Variants in TMEM163 observed in about 807,000 individuals in gnomAD.
The protein encoded by TMEM163 is transmembrane protein 163.
A neutral mutation model predicts 29.3 loss-of-function variants in TMEM163; 17 were observed. The ratio of observed to expected loss-of-function variants is 0.58; its 90% CI spans 0.40 to 0.87. The LOEUF is 0.87. Among genes scored for constraint, TMEM163 ranks in the 40% least tolerant of loss-of-function variants. TMEM163 has a pLI of 0.00. For synonymous variants in TMEM163, 157 were observed against 160.6 expected (o/e 0.98, Z 0.17); for missense variants, 303 against 381.5 (o/e 0.79, Z 1.71).
At chr2:134,631,523 GGGTATTTATCCA>G (rs1472577524) in intron 2 of TMEM163, among the ~76,000 whole-genome samples, 1 of 152,122 alleles carries the variant, frequency 6.6e-6, no homozygotes, top group Non-Finnish European at 1.5e-5. Context: ...CTACTGGAAA[GGGTATTTATCCA>G]GGCCCACTTT....
intron 2 of TMEM163, among the ~76,000 whole-genome samples, chr2:134,602,730 T>C (rs528800047): frequency 1.3e-5 from 2 of 152,260 alleles, no homozygotes; most frequent in East Asian, 1.9e-4. Flanking sequence ...TTACTGGATA[T>C]GTCTAAATCA....
chr2:134,614,813 C>T (rs957034316), intron 2 of TMEM163, among the ~76,000 whole-genome samples: 1 of 151,816 alleles, frequency 6.6e-6, no homozygotes, highest in African/African-American at 2.4e-5. Flanking sequence ...GAGATCACAC[C>T]ACTGCACTCC....
chr2:134,588,135 G>C (rs1681862211), intron 2 of TMEM163, among the ~76,000 whole-genome samples: 2 of 152,196 alleles, frequency 1.3e-5, no homozygotes, highest in Non-Finnish European at 2.9e-5. Flanking sequence ...ACGTGAATGT[G>C]GGAACTATTG....
chr2:134,487,634 A>G (rs1396692143), intron 5 of TMEM163, among the ~76,000 whole-genome samples: 1 of 152,234 alleles, frequency 6.6e-6, no homozygotes, highest in Non-Finnish European at 1.5e-5. Context: ...ACCAAACATT[A>G]AGACTCATTG....
chr2:134,462,708 G>A (rs1416625511), intron 6 of TMEM163, among the ~76,000 whole-genome samples: 1 of 152,202 alleles, frequency 6.6e-6, no homozygotes, highest in African/African-American at 2.4e-5. Flanking sequence ...GTTCTCCTCT[G>A]TACACCACAT....
chr2:134,669,233 C>A (rs1045724244), intron 2 of TMEM163, among the ~76,000 whole-genome samples: 2 of 152,218 alleles, frequency 1.3e-5, no homozygotes, highest in African/African-American at 4.8e-5. Flanking sequence ...TGTTCCTGAG[C>A]TTCTGTTTCC....
At chr2:134,494,973 G>GCCTCCCAGGTTCTC (rs141311033) in intron 5 of TMEM163, among the ~76,000 whole-genome samples, 1 of 151,752 alleles carries the variant, frequency 6.6e-6, no homozygotes, top group Non-Finnish European at 1.5e-5. Context: ...CTTTACTGCT[G>GCCTCCCAGGTTCTC]CCTCCCAGGT....
At position 134,510,548 on chromosome 2, in the gene TMEM163, G is replaced by A. The variant is rs182063136; in HGVS notation, c.459-7551C>T. The stretch of plus-strand genomic sequence containing the variant: ...ATGACTCTACGCACGGGCCATGACA[G>A]CTGAAAAGAATCAAGATGGAAAGAC... On this transcript the variant is annotated intron_variant, in intron 4 of 7. Transcript: ENST00000281924. Among the ~76,000 whole-genome samples the A allele has an allele frequency of 5.3e-5, 8 of 152,308 alleles. 1 individual carries two copies. The highest frequency in any genetic ancestry group is 1.9e-4 in the African/African-American group (8 of 41,574).
chr2:134,711,215 C>T (rs1684919355), intron 2 of TMEM163, among the ~76,000 whole-genome samples: 3 of 152,086 alleles, frequency 2.0e-5, no homozygotes, highest in Non-Finnish European at 2.9e-5. Flanking sequence ...TTAAATACTG[C>T]ATATTAGAAA....
intron 5 of TMEM163, among the ~76,000 whole-genome samples, chr2:134,476,463 C>T (rs921414196): frequency 6.6e-6 from 1 of 152,150 alleles, no homozygotes; most frequent in African/African-American, 2.4e-5. Flanking sequence ...ATTGTATGTA[C>T]ATTATATCTC....
At chr2:134,649,840 C>T (rs926993741) in intron 2 of TMEM163, among the ~76,000 whole-genome samples, 2 of 151,560 alleles carry the variant, frequency 1.3e-5, no homozygotes, top group Non-Finnish European at 2.9e-5. Context: ...GTAGTGAACA[C>T]TTGCCTCTAC....
chr2:134,507,258 C>T (rs1232072317), intron 4 of TMEM163, among the ~76,000 whole-genome samples: 1 of 151,880 alleles, frequency 6.6e-6, no homozygotes, highest in African/African-American at 2.4e-5. Context: ...ATCGCTTGAA[C>T]CTGGGAGGAG....
chr2:134,556,858 T>G (rs1681059569), intron 2 of TMEM163, among the ~76,000 whole-genome samples: 1 of 152,218 alleles, frequency 6.6e-6, no homozygotes, highest in Non-Finnish European at 1.5e-5. Context: ...GTTTAATGTT[T>G]CTATTAGCAT....
intron 2 of TMEM163, among the ~76,000 whole-genome samples, chr2:134,553,782 C>G (rs1228795322): frequency 6.6e-6 from 1 of 152,176 alleles, no homozygotes; most frequent in African/African-American, 2.4e-5. Flanking sequence ...ATGGGACACA[C>G]AGGTATGGTG....
At chr2:134,570,469 T>TATATATAC (rs762569373) in intron 2 of TMEM163, among the ~76,000 whole-genome samples, 2 of 145,106 alleles carry the variant, frequency 1.4e-5, no homozygotes, top group Non-Finnish European at 3.0e-5. Flanking sequence ...ACTACATATA[T>TATATATAC]ATATACATAT....
chr2:134,541,771 TGCACACACAC>T (rs1455964475), intron 4 of TMEM163, among the ~76,000 whole-genome samples: 4 of 87,452 alleles, frequency 4.6e-5, no homozygotes, highest in African/African-American at 2.6e-4. Flanking sequence ...TGTACACACG[TGCACACACAC>T]ACACACACAC....
At chr2:134,717,972 G>A (rs1331229312) in intron 1 of TMEM163, among the ~76,000 whole-genome samples, 1 of 152,192 alleles carries the variant, frequency 6.6e-6, no homozygotes, top group Non-Finnish European at 1.5e-5. Context: ...TCTCCCAGCA[G>A]AGGCAAGTGT....
chr2:134,465,251 C>T (rs947756223), intron 6 of TMEM163, among the ~76,000 whole-genome samples: 13 of 149,080 alleles, frequency 8.7e-5, no homozygotes, highest in African/African-American at 3.3e-4. Flanking sequence ...CATACACACA[C>T]ACGTGTGTAT....
At chr2:134,534,622 C>T (rs976460767) in intron 4 of TMEM163, among the ~76,000 whole-genome samples, 2 of 152,044 alleles carry the variant, frequency 1.3e-5, no homozygotes, top group Non-Finnish European at 2.9e-5. Flanking sequence ...GGTGGGGTGG[C>T]GCACTCCTGT....
Sources: allele counts gnomAD v4.1 joint callset (sites outside exome capture counted in the v4.1 genomes callset), GRCh38; gene constraint gnomAD v4.1.1; transcripts MANE v1.5; gene names NCBI Gene and HGNC (gene_info 2026-07-23, HGNC 2026-07-21).